TMOD1: variants seen among roughly 807,000 people sequenced by gnomAD.
TMOD1 encodes tropomodulin 1, also known as tropomodulin-1.
TMOD1 carries 17 observed loss-of-function variants against 40.6 expected under a neutral mutation model. That is an observed-to-expected ratio of 0.42 (90% CI 0.29 to 0.63). The LOEUF is 0.63. Among genes scored for constraint, TMOD1 ranks in the 20% least tolerant of loss-of-function variants. The probability of loss-of-function intolerance (pLI) is 0.22; values close to 1 mark genes in which losing one functional copy is unlikely to be tolerated. For missense variants in TMOD1, 391 were observed against 447.6 expected, an observed-to-expected ratio of 0.87 and a Z score of 1.14; for synonymous variants, 181 against 175.0, an observed-to-expected ratio of 1.03 and a Z score of -0.27.
In TMOD1 at chr9:97,556,002, G is replaced by A. The variant is rs377422167; in HGVS notation, c.397+2602G>A. ...AGTTGGCTGGGGACCCGGGGAGGGGGTCACATTAGAAAAGGCTCTGGATGC... is the reference window on the plus strand; with the variant it reads ...AGTTGGCTGGGGACCCGGGGAGGGGATCACATTAGAAAAGGCTCTGGATGC... On this transcript the variant is annotated intron_variant, in intron 4 of 9. Coordinates refer to ENST00000259365, the MANE Select transcript of TMOD1 (RefSeq NM_003275.4). Among the ~76,000 whole-genome samples the A allele has an allele frequency of 2.6e-4, 40 of 152,196 alleles. 1 individual carries two copies. The highest frequency in any genetic ancestry group is 8.7e-4 in the African/African-American group (36 of 41,510).
chr9:97,547,017 ACCATCTCCACCCAGATT>A (rs1037929648), intron 3 of TMOD1, among the ~76,000 whole-genome samples: 1 of 151,428 alleles, frequency 6.6e-6, no homozygotes, highest in Non-Finnish European at 1.5e-5. Context: ...AGATGCACTA[ACCATCTCCACCCAGATT>A]CTCTCTGCTC....
chr9:97,574,676 T>C (rs924441208), intron 8 of TMOD1, among the ~76,000 whole-genome samples: 2 of 152,216 alleles, frequency 1.3e-5, no homozygotes, highest in Non-Finnish European at 2.9e-5. Context: ...TATGTCTGGC[T>C]AAGGGATGGC....
chr9:97,567,820 G>A (rs1231666026), intron 7 of TMOD1, among the ~76,000 whole-genome samples: 7 of 152,128 alleles, frequency 4.6e-5, no homozygotes, highest in African/African-American at 1.4e-4. Context: ...CTTCCTGGGA[G>A]CTAGCCTCTC....
Position 97,582,938 on chromosome 9 carries a change from G to A in TMOD1, c.871-8353G>A, listed in dbSNP as rs1292393481. Among the ~76,000 whole-genome samples, 75 of 150,458 alleles carry A rather than the reference G, an allele frequency of 5.0e-4. 2 individuals are homozygous for A. Among genetic ancestry groups the A allele is most frequent in the African/African-American group, 1.7e-3 (69 of 39,892 alleles). On this transcript the variant is annotated intron_variant, in intron 8 of 9. Transcript: ENST00000259365. The stretch of plus-strand genomic sequence containing the variant: ...GGTTTTCTAGAAATACAATCATGTC[G>A]TCTGCAAACAGGGACAATTTGACTT...
At chr9:97,524,080 C>T in intron 1 of TMOD1, 61 bp from the exon 2 acceptor site, 1 of 1,284,458 alleles carries the variant, frequency 7.8e-7, no homozygotes, top group Non-Finnish European at 1.1e-6. Flanking sequence ...GATGAGCCTC[C>T]ATTTGCTCTG....
intron 8 of TMOD1, among the ~76,000 whole-genome samples, chr9:97,578,938 G>A (rs1231422526): frequency 6.6e-6 from 1 of 152,198 alleles, no homozygotes; most frequent in Non-Finnish European, 1.5e-5. Flanking sequence ...TGGGGAGGGT[G>A]GGTGGAGGAG....
intron 2 of TMOD1, among the ~76,000 whole-genome samples, chr9:97,536,584 A>G (rs765680751): frequency 6.6e-6 from 1 of 152,116 alleles, no homozygotes; most frequent in Non-Finnish European, 1.5e-5. Flanking sequence ...CCTGGCTCTC[A>G]CGTGCGGCCA....
At chr9:97,593,137 C>T (rs1265766856) in intron 9 of TMOD1, among the ~76,000 whole-genome samples, 1 of 152,170 alleles carries the variant, frequency 6.6e-6, no homozygotes, top group Admixed American at 6.5e-5. Context: ...TTCTTCTGTG[C>T]CCCTTGGCTC....
rs959471790 is a variant in TMOD1 at position 97,511,826 on chromosome 9, C to T, written c.-49+10023C>T. Among the ~76,000 whole-genome samples, 8 of 138,218 alleles carry T rather than the reference C, an allele frequency of 5.8e-5. No individual in the cohort carries two copies. The East Asian group carries it at 1.6e-3, about 28-fold the overall frequency. The allele number at this position is 138,218 out of a possible 152,430, so 90.7% of individuals were successfully genotyped here. On this transcript the variant is annotated intron_variant, in intron 1 of 9. Transcript: ENST00000259365. Reference sequence around the variant, plus strand: ...TTTCAAACTCCTGGCCTCAAGCGATCCGCCTGCCTCTGCCTCCCAAAGTGC... The same window carrying T: ...TTTCAAACTCCTGGCCTCAAGCGATTCGCCTGCCTCTGCCTCCCAAAGTGC...
At chr9:97,532,133 C>G (rs1157772625) in intron 2 of TMOD1, among the ~76,000 whole-genome samples, 1 of 152,166 alleles carries the variant, frequency 6.6e-6, no homozygotes, top group Admixed American at 6.5e-5. Flanking sequence ...GAATCGCAAG[C>G]CCAGGACAGA....
intron 8 of TMOD1, among the ~76,000 whole-genome samples, chr9:97,589,691 GC>G (rs1825961967): frequency 6.6e-6 from 1 of 152,042 alleles, no homozygotes; most frequent in Non-Finnish European, 1.5e-5. Context: ...CAGTCTGGAA[GC>G]ATTTTATTTA....
intron 8 of TMOD1, among the ~76,000 whole-genome samples, chr9:97,574,360 T>C (rs1044537373): frequency 6.6e-6 from 1 of 152,150 alleles, no homozygotes; most frequent in African/African-American, 2.4e-5. Flanking sequence ...GCTTAGCACC[T>C]GGGCCAGCAG....
At chr9:97,553,427 C>T in intron 4 of TMOD1, 27 bp downstream of exon 4, 3 of 1,613,886 alleles carry the variant, frequency 1.9e-6, no homozygotes, top group Non-Finnish European at 1.7e-6. Context: ...GAGCTTTCCA[C>T]ATCCTCCAGA....
intron 2 of TMOD1, among the ~76,000 whole-genome samples, chr9:97,536,751 A>G (rs1564235766): frequency 6.6e-6 from 1 of 152,098 alleles, no homozygotes; most frequent in African/African-American, 2.4e-5. Flanking sequence ...CCAATCCCTG[A>G]TAAAGAGGTT....
At chr9:97,541,373 A>G (rs1438116514) in intron 2 of TMOD1, among the ~76,000 whole-genome samples, 3 of 151,872 alleles carry the variant, frequency 2.0e-5, no homozygotes, top group Non-Finnish European at 4.4e-5. Context: ...TTTTTAGTAG[A>G]GACGGGGTTT....
At chr9:97,572,913 G>A (rs1033500622) in intron 8 of TMOD1, among the ~76,000 whole-genome samples, 2 of 152,158 alleles carry the variant, frequency 1.3e-5, no homozygotes, top group Non-Finnish European at 2.9e-5. Flanking sequence ...CTGTGGTTGC[G>A]CCAAGACCAT....
At chr9:97,519,340 GGCTTAAGGCTTCTGCCACAGA>G (rs1426274626) in intron 1 of TMOD1, among the ~76,000 whole-genome samples, 1 of 152,196 alleles carries the variant, frequency 6.6e-6, no homozygotes, top group Admixed American at 6.5e-5. Flanking sequence ...ATTTAACGGA[GGCTTAAGGCTTCTGCCACAGA>G]GAAGCGGGGT....
chr9:97,564,679 G>A (rs985680870), intron 6 of TMOD1, among the ~76,000 whole-genome samples: 1 of 152,208 alleles, frequency 6.6e-6, no homozygotes, highest in African/African-American at 2.4e-5. Context: ...TGTCCAAAGC[G>A]ATATCCCAAG....
In TMOD1 at chr9:97,555,712, G is replaced by C. The variant is rs1321754754; in HGVS notation, c.397+2312G>C. On this transcript the variant is annotated intron_variant, in intron 4 of 9. Coordinates refer to ENST00000259365, the MANE Select transcript of TMOD1 (RefSeq NM_003275.4). ...CCACCTACCATGTCCCAGGTTCTAT[G>C]TGAGTTGCTCTCAAGACCTTATTGC... 3.9e-6 allele frequency: 6 copies of C among 1,542,842 alleles called. No homozygotes were observed. In the East Asian group the frequency reaches 1.5e-4, roughly 38 times the overall value.
Sources: gnomAD v4.1 joint callset for allele counts (sites outside exome capture counted in the v4.1 genomes callset) on GRCh38, gnomAD v4.1.1 for gene constraint, MANE v1.5 for transcripts, NCBI Gene and HGNC (gene_info 2026-07-23, HGNC 2026-07-21) for gene names.